Variants in GMPS observed in about 807,000 individuals in gnomAD.
GMPS encodes the protein GMP synthase [glutamine-hydrolyzing].
In GMPS, 15 loss-of-function variants were observed where a neutral mutation model predicts 77.9. The observed-to-expected ratio is 0.19, with a 90% CI of 0.13 to 0.30. GMPS has a LOEUF of 0.30. Ranked by LOEUF, GMPS falls within the 10% of genes least tolerant of loss-of-function variation. GMPS has a pLI of 1.00. For synonymous variants in GMPS, 224 were observed against 275.9 expected (o/e 0.81, Z 1.86); for missense variants, 590 against 838.8 (o/e 0.70, Z 3.66).
rs58367815 is a variant in GMPS at position 155,886,611 on chromosome 3, C to CTTTTTTTTTTTTT, written c.28-6892_28-6880dup. On this transcript the variant is annotated intron_variant, in intron 1 of 15. Transcript: ENST00000496455. ...AATCTAGCATGTCTATTCCTGATGA[C>CTTTTTTTTTTTTT]TTTTTTTTTTTTTTTTTTTTTTTTT... is the stretch of plus-strand genomic sequence containing the variant. Among the ~76,000 whole-genome samples the CTTTTTTTTTTTTT allele has an allele frequency of 7.7e-5, 6 of 78,050 alleles. 1 individual carries two copies. The highest frequency in any genetic ancestry group is 1.9e-4 in the Admixed American group (1 of 5,264). 51.2% of individuals were successfully genotyped at this position (78,050 alleles called of 152,430 possible). A position where few individuals can be genotyped will look rare whatever the true frequency, so the allele number is the denominator to read the frequency against.
chr3:155,914,521 C>T lies in GMPS; in HGVS notation c.989C>T (p.Thr330Ile). The change falls in exon 8 of 16, where the codon ACC becomes ATC. Residue 330 changes from threonine (T) to isoleucine (I), a missense_variant. By Grantham distance (89) the Thr-to-Ile change is moderately conservative. This residue lies in a region of GMPS where 181 missense variants were observed against 186.8 expected (regional missense o/e 0.97). Transcript: ENST00000496455. Reference protein sequence around the residue: ...RKRISKTLNMTTSPEEKRKII... With the variant: ...RKRISKTLNMITSPEEKRKII... ...AGAATTAGCAAAACGTTAAATATGA[C>T]CACAAGTCCTGAAGAGAAAAGAAAA... is the stretch of plus-strand genomic sequence containing the variant. 1.9e-6 allele frequency: 3 copies of T among 1,602,860 alleles called. No homozygotes were observed. Among genetic ancestry groups the T allele is most frequent in the Admixed American group, 1.7e-5 (1 of 58,012 alleles).
chr3:155,931,039 T>C (rs964860344), intron 12 of GMPS, among the ~76,000 whole-genome samples: 1 of 152,134 alleles, frequency 6.6e-6, no homozygotes, highest in Non-Finnish European at 1.5e-5. Context: ...TTGTCCAGGC[T>C]GGTCTCAAAC....
At chr3:155,872,223 T>C (rs1003125074) in intron 1 of GMPS, among the ~76,000 whole-genome samples, 1 of 152,192 alleles carries the variant, frequency 6.6e-6, no homozygotes, top group East Asian at 1.9e-4. Context: ...TAGCACCCGG[T>C]AATCATTCAA....
intron 9 of GMPS, among the ~76,000 whole-genome samples, chr3:155,917,990 G>A (rs2108116237): frequency 6.6e-6 from 1 of 152,284 alleles, no homozygotes; most frequent in Middle Eastern, 3.4e-3. Flanking sequence ...GGGATTGCTG[G>A]ATCATATGGT....
intron 12 of GMPS, among the ~76,000 whole-genome samples, chr3:155,928,926 C>T (rs1755527408): frequency 6.6e-6 from 1 of 151,044 alleles, no homozygotes; most frequent in African/African-American, 2.4e-5. Context: ...TTTCTTAATC[C>T]AGTCTGTCAT....
chr3:155,923,340 A>G (rs1413229777), intron 11 of GMPS, among the ~76,000 whole-genome samples: 1 of 152,166 alleles, frequency 6.6e-6, no homozygotes, highest in Non-Finnish European at 1.5e-5. Context: ...AGATGGAAGG[A>G]TAAGGCAAGT....
chr3:155,917,173 A>G (rs1755202434), intron 9 of GMPS, among the ~76,000 whole-genome samples: 1 of 152,130 alleles, frequency 6.6e-6, no homozygotes, highest in Admixed American at 6.5e-5. Context: ...GGGTTTCACT[A>G]TGTTGGCCAG....
At chr3:155,878,978 T>C (rs1361312177) in intron 1 of GMPS, among the ~76,000 whole-genome samples, 1 of 152,112 alleles carries the variant, frequency 6.6e-6, no homozygotes. Context: ...AATTCTTATA[T>C]ACAAGGGCAG....
chr3:155,928,275 C>T (rs1370045398), intron 12 of GMPS, among the ~76,000 whole-genome samples: 2 of 150,938 alleles, frequency 1.3e-5, no homozygotes, highest in African/African-American at 4.8e-5. Context: ...AATCCACCCG[C>T]CTCGGCCTCC....
At chr3:155,896,580 T>C (rs1206987089) in intron 2 of GMPS, among the ~76,000 whole-genome samples, 1 of 151,790 alleles carries the variant, frequency 6.6e-6, no homozygotes, top group Non-Finnish European at 1.5e-5. Context: ...ACTGTTTTGG[T>C]TTTTATTTTT....
At chr3:155,921,071 A>G (rs2108121639) in intron 10 of GMPS, among the ~76,000 whole-genome samples, 1 of 152,216 alleles carries the variant, frequency 6.6e-6, no homozygotes, top group African/African-American at 2.4e-5. Flanking sequence ...GTGAAACCCG[A>G]TCTCTACTAA....
At chr3:155,933,236 A>G (rs1271085967) in intron 13 of GMPS, among the ~76,000 whole-genome samples, 1 of 152,080 alleles carries the variant, frequency 6.6e-6, no homozygotes, top group Non-Finnish European at 1.5e-5. Context: ...TGAACTTTAG[A>G]TTTATTTGCT....
intron 1 of GMPS, among the ~76,000 whole-genome samples, chr3:155,877,498 C>T (rs1754078856): frequency 1.3e-5 from 2 of 152,136 alleles, no homozygotes; most frequent in South Asian, 2.1e-4. Flanking sequence ...TCTCATCCCT[C>T]CTCCCAAAAA....
chr3:155,910,069 C>G (rs1276093022), intron 5 of GMPS, among the ~76,000 whole-genome samples: 1 of 150,450 alleles, frequency 6.6e-6, no homozygotes, highest in Non-Finnish European at 1.5e-5. Flanking sequence ...ATGGTGAAAC[C>G]CTGTCTCTAC....
intron 12 of GMPS, among the ~76,000 whole-genome samples, chr3:155,929,036 G>C (rs112029570): frequency 0.04 from 5,865 of 147,844 alleles, 163 homozygotes; most frequent in East Asian, 0.14. Flanking sequence ...ATTTATAGTC[G>C]TTTGGGTATA....
Position 155,910,681 on chromosome 3 carries a change from T to A in GMPS, c.527-11T>A, listed in dbSNP as rs776921740. 7 of 1,434,294 alleles carry A rather than the reference T, an allele frequency of 4.9e-6. No homozygotes were observed. Among genetic ancestry groups the A allele is most frequent in the Middle Eastern group, 1.8e-4 (1 of 5,412 alleles). 88.8% of individuals were successfully genotyped at this position (1,434,294 alleles called of 1,614,324 possible). ...AAAAAATTTTAATTTGTGACTATTT[T>A]CTCTATAAAGGCATAGCAAATGAAT... On this transcript the variant is annotated splice_polypyrimidine_tract_variant and intron_variant, in intron 5 of 15. Transcript: ENST00000496455.
rs537732840 is a variant in GMPS at position 155,911,983 on chromosome 3, A to G, written c.886+704A>G. Among the ~76,000 whole-genome samples the G allele has an allele frequency of 6.6e-5, 10 of 152,218 alleles. No individual in the cohort carries two copies. In the South Asian group the frequency reaches 2.1e-3, roughly 32 times the overall value. ...ATTGTGGGAGAGGTAAAGATTCTATACTTTTTTTTTAAAGGGCCACTAGTA... is the reference window on the plus strand; with the variant it reads ...ATTGTGGGAGAGGTAAAGATTCTATGCTTTTTTTTTAAAGGGCCACTAGTA... On this transcript the variant is annotated intron_variant, in intron 7 of 15. Transcript: ENST00000496455.
rs1161195571 is a variant in GMPS, at chr3:155,939,223, A to G, written c.*1531A>G. 1 of 220,016 alleles carries G rather than the reference A, an allele frequency of 4.5e-6. No homozygotes were observed. Among genetic ancestry groups the G allele is most frequent in the East Asian group, 6.7e-5 (1 of 14,972 alleles). The allele number at this position is 220,016 out of a possible 1,614,324, so 13.6% of individuals were successfully genotyped here. ...TCTATCTGATGAGGAGGTACTCATT[A>G]TGGCCTTCTGGAAAGAGGCTATGTT... On this transcript the variant is annotated 3_prime_UTR_variant, in exon 16 of 16. Coordinates refer to ENST00000496455, the MANE Select transcript of GMPS (RefSeq NM_003875.3).
At position 155,893,542 on chromosome 3, in the gene GMPS, A is replaced by G. The variant is rs570673182; in HGVS notation, c.52A>G (p.Lys18Glu). 9 of 1,610,672 alleles carry G rather than the reference A, an allele frequency of 5.6e-6. No homozygotes were observed. The highest frequency in any genetic ancestry group is 7.6e-6 in the Non-Finnish European group (9 of 1,177,960). ...SKLENAGGDL[K>E]DGHHHYEGAV... ...GCTGGAGAATGCTGGAGGAGACCTT[A>G]AGGATGGCCACCACCACTATGAAGG... Residue 18 changes from lysine to glutamate, a missense_variant, in exon 2 of 16, where the codon AAG (lysine) becomes GAG (glutamate). This residue lies in a region of GMPS where 47 missense variants were observed against 45.5 expected (regional missense o/e 1.03). Coordinates refer to ENST00000496455, the MANE Select transcript of GMPS (RefSeq NM_003875.3).
Sources: gnomAD v4.1 joint callset for allele counts (sites outside exome capture counted in the v4.1 genomes callset) on GRCh38, gnomAD v4.1.1 for gene constraint, gnomAD v4.1.1 regional missense constraint, MANE v1.5 for transcripts, NCBI Gene and HGNC (gene_info 2026-07-23, HGNC 2026-07-21) for gene names.